MYT1: variants seen among roughly 807,000 people sequenced by gnomAD.
The protein encoded by MYT1 is myelin transcription factor 1.
Under a neutral mutation model 123.0 loss-of-function variants are expected in MYT1, and 23 were observed. The observed-to-expected ratio is 0.19, with a 90% confidence interval of 0.13 to 0.26. The LOEUF is 0.26. MYT1 is among the 10% of genes least tolerant of loss of function. The pLI is 1.00. For synonymous variants in MYT1, 518 were observed against 575.3 expected (o/e 0.90, Z 1.43); for missense variants, 1,125 against 1,472.5 (o/e 0.76, Z 3.86).
intron 16 of MYT1, among the ~76,000 whole-genome samples, chr20:64,223,883 T>G (rs1364336841): frequency 6.6e-6 from 1 of 152,154 alleles, no homozygotes. Context: ...CCTCCCCCCA[T>G]GCTCATGCCT....
chr20:64,221,734 G>T lies in MYT1; in HGVS notation c.2242-159G>T, dbSNP rs547832240. 3.3e-5 allele frequency among the ~76,000 whole-genome samples: 5 copies of T among 152,228 alleles called. No homozygotes were observed. The East Asian group carries it at 9.7e-4, about 29-fold the overall frequency. ...GGGTGTTGTCTTCTGTGTTTTGCTGGGGGGAGTTAAGTCTTCCTCCCTTAT... is the reference window on the plus strand; with the variant it reads ...GGGTGTTGTCTTCTGTGTTTTGCTGTGGGGAGTTAAGTCTTCCTCCCTTAT... On this transcript the variant is annotated intron_variant, in intron 13 of 22. Transcript: ENST00000328439.
In MYT1 at chr20:64,180,276, C is replaced by T. The variant is rs115929347; in HGVS notation, c.-98-9787C>T. On this transcript the variant is annotated intron_variant, in intron 1 of 22. Coordinates refer to ENST00000328439, the MANE Select transcript of MYT1 (RefSeq NM_004535.3). The stretch of plus-strand genomic sequence containing the variant: ...CCTAGGTCTGTATTTACTTCTCCAT[C>T]TATCGATGTTTATTGAAAAACACAA... Among the ~76,000 whole-genome samples the T allele has an allele frequency of 1.2e-3, 178 of 152,332 alleles. 1 individual carries two copies. Among genetic ancestry groups the T allele is most frequent in the African/African-American group, 2.6e-3 (107 of 41,570 alleles).
In MYT1 at chr20:64,213,573, C is replaced by T; in HGVS notation, c.1557C>T (p.Ala519=). The change falls in exon 10 of 23, where the codon GCC becomes GCT. Residue 519 remains alanine (A), a synonymous_variant. Transcript: ENST00000328439. The surrounding 1 kb of genome is among the most constrained non-coding windows in gnomAD (Gnocchi z 5.6). ...CCATTGCTGCCGCCGAAAAATTAGC[C>T]AAATCCCATGAGAAGCAGCAGCCGC... The part of the protein sequence containing the change: ...GCPIAAAEKL[A]KSHEKQQPQT... 1 of 1,614,090 alleles carries T rather than the reference C, an allele frequency of 6.2e-7. No homozygotes were observed. The highest frequency in any genetic ancestry group is 8.5e-7 in the Non-Finnish European group (1 of 1,180,008).
rs183051463 is a variant in MYT1, at chr20:64,228,118, T to A, written c.2675+147T>A. The A allele has an allele frequency of 8.4e-4, 615 of 730,418 alleles. 4 individuals are homozygous for A. The highest frequency in any genetic ancestry group is 2.4e-3 in the South Asian group (131 of 54,748). 45.2% of individuals were successfully genotyped at this position (730,418 alleles called of 1,614,324 possible). A position where few individuals can be genotyped will look rare whatever the true frequency, so the allele number is the denominator to read the frequency against. On this transcript the variant is annotated intron_variant, in intron 18 of 22. Coordinates refer to ENST00000328439, the MANE Select transcript of MYT1 (RefSeq NM_004535.3). Reference sequence around the variant, plus strand: ...CCAACGCCAACTTTCGTTTCTTTCATTTTTATGGAAGCTCTCATACGCTAC... The same window carrying A: ...CCAACGCCAACTTTCGTTTCTTTCAATTTTATGGAAGCTCTCATACGCTAC...
At chr20:64,233,090 T>G in intron 19 of MYT1, among the ~76,000 whole-genome samples, 1 of 139,470 alleles carries the variant, frequency 7.2e-6, no homozygotes, top group Non-Finnish European at 1.6e-5. Flanking sequence ...CCCTCCCCTG[T>G]CCCTCCCCTC....
At chr20:64,235,501 C>CTGTGG (rs1984489909) in intron 19 of MYT1, among the ~76,000 whole-genome samples, 1 of 125,502 alleles carries the variant, frequency 8.0e-6, no homozygotes, top group East Asian at 2.7e-4. Context: ...CCTGGGCTGG[C>CTGTGG]TGAGTGACCC....
intron 13 of MYT1, 141 bp from the exon 14 acceptor site, chr20:64,221,751 CT>C (rs1984009520): frequency 1.2e-6 from 1 of 826,364 alleles, no homozygotes; most frequent in Admixed American, 2.9e-5. Flanking sequence ...TTAAGTCTTC[CT>C]CCCTTATCCA....
chr20:64,236,634 A>G lies in MYT1; in HGVS notation c.2977A>G (p.Lys993Glu), dbSNP rs757716637. 6.2e-7 allele frequency: 1 copy of G among 1,613,504 alleles called. No individual in the cohort carries two copies. The highest frequency in any genetic ancestry group is 8.5e-7 in the Non-Finnish European group (1 of 1,179,740). Residue 993 changes from lysine (K) to glutamate (E), a missense_variant, in exon 20 of 23, where the codon AAG becomes GAG. Around this residue, in one of 4 missense-constraint regions of MYT1, gnomAD observed 243 missense variants for 323.1 expected, o/e 0.75. Coordinates refer to ENST00000328439, the MANE Select transcript of MYT1 (RefSeq NM_004535.3). Reference sequence around the variant, plus strand: ...GGATGAGGTCCTCAGTCCAAAGTTCAAGACTAGCGACGGTAAGGATGGCTT... The same window carrying G: ...GGATGAGGTCCTCAGTCCAAAGTTCGAGACTAGCGACGGTAAGGATGGCTT... ...SGDEVLSPKF[K>E]TSDVLENDEE...
chr20:64,215,748 A>AT (rs77922543), intron 10 of MYT1, among the ~76,000 whole-genome samples: 14,630 of 142,300 alleles, frequency 0.1, 911 homozygotes, highest in Non-Finnish European at 0.14. Flanking sequence ...ATACCTGCCT[A>AT]TTTTTTTTGC....
chr20:64,193,790 C>T lies in MYT1; in HGVS notation c.-1+3630C>T, dbSNP rs777916765. On this transcript the variant is annotated intron_variant, in intron 2 of 22. Transcript: ENST00000328439. This position sits in a 1 kb window ranked among gnomAD's most constrained non-coding sequence, Gnocchi z 4.0. ...AAAACCATTATGCAAGAGGCTCAACCGTCCCACCGAGACACTATAACCTAT... is the reference window on the plus strand; with the variant it reads ...AAAACCATTATGCAAGAGGCTCAACTGTCCCACCGAGACACTATAACCTAT... Among the ~76,000 whole-genome samples, 7 of 139,834 alleles carry T rather than the reference C, an allele frequency of 5.0e-5. No homozygotes were observed. In the East Asian group the frequency reaches 6.4e-4, roughly 13 times the overall value. 91.7% of individuals were successfully genotyped at this position (139,834 alleles called of 152,430 possible).
intron 13 of MYT1, among the ~76,000 whole-genome samples, chr20:64,221,651 C>T (rs1984005894): frequency 6.6e-6 from 1 of 152,206 alleles, no homozygotes; most frequent in African/African-American, 2.4e-5. Flanking sequence ...CACCAGGCCT[C>T]ATTTCTAGGG....
intron 1 of MYT1, among the ~76,000 whole-genome samples, chr20:64,181,377 G>A (rs1004597952): frequency 5.3e-5 from 8 of 152,006 alleles, no homozygotes; most frequent in Non-Finnish European, 1.2e-4. Flanking sequence ...CTCACTCAGC[G>A]TTTCCTCCGT....
chr20:64,236,267 T>TGGGTGACCCTGGGATGGCGGC (rs1984537436), intron 19 of MYT1, among the ~76,000 whole-genome samples: 1 of 127,484 alleles, frequency 7.8e-6, no homozygotes. Flanking sequence ...GGGATGGCGG[T>TGGGTGACCCTGGGATGGCGGC]GGTGGGTGAC....
At chr20:64,188,271 C>T (rs1487551575) in intron 1 of MYT1, among the ~76,000 whole-genome samples, 1 of 152,208 alleles carries the variant, frequency 6.6e-6, no homozygotes, top group Non-Finnish European at 1.5e-5. Context: ...TCAGGGGAGT[C>T]GCACTCGGGA....
chr20:64,219,051 A>T lies in MYT1; in HGVS notation c.1971+16A>T. ...CCCCAGCAAGGTTAGTACATCTGCC[A>T]CAGAGCCTTTCTTGGGAGAGGTGAG... is the stretch of plus-strand genomic sequence containing the variant. On this transcript the variant is annotated intron_variant, in intron 12 of 22. Transcript: ENST00000328439. 1 of 1,602,790 alleles carries T rather than the reference A, an allele frequency of 6.2e-7. No homozygotes were observed.
chr20:64,173,577 C>G (rs1362676166), intron 1 of MYT1, among the ~76,000 whole-genome samples: 1 of 147,718 alleles, frequency 6.8e-6, no homozygotes, highest in African/African-American at 2.5e-5. Context: ...CCTGACTTCT[C>G]CTCCTGCAGC....
Position 64,171,214 on chromosome 20 carries a change from C to T in MYT1, c.-99+6475C>T, listed in dbSNP as rs574253526. The stretch of plus-strand genomic sequence containing the variant: ...TATTACAGGTGTGAGCCACTGTGCC[C>T]GGCCAAATTTACCCAATTTTTAAGA... On this transcript the variant is annotated intron_variant, in intron 1 of 22. Transcript: ENST00000328439. 1.6e-4 allele frequency among the ~76,000 whole-genome samples: 25 copies of T among 152,176 alleles called. No individual in the cohort carries two copies. In the South Asian group the frequency reaches 2.9e-3, roughly 18 times the overall value.
chr20:64,224,290 C>G (rs1259843057), intron 16 of MYT1, among the ~76,000 whole-genome samples: 1 of 152,218 alleles, frequency 6.6e-6, no homozygotes, highest in African/African-American at 2.4e-5. Context: ...CACACCCTGG[C>G]TTATTCCATT....
rs893089402 is a variant in MYT1, at chr20:64,208,986, T to A, written c.1291+499T>A. ...AGCAGCCTGCCGCTGGCTCTGCATC[T>A]GTCTCTGGATTTGGCTCTAAAGTGT... On this transcript the variant is annotated intron_variant, in intron 7 of 22. Transcript: ENST00000328439. This position sits in a 1 kb window ranked among gnomAD's most constrained non-coding sequence, Gnocchi z 5.4. Among the ~76,000 whole-genome samples, 4 of 152,248 alleles carry A rather than the reference T, an allele frequency of 2.6e-5. No homozygotes were observed. The highest frequency in any genetic ancestry group is 2.6e-4 in the Admixed American group (4 of 15,288).
Sources: allele counts gnomAD v4.1 joint callset (sites outside exome capture counted in the v4.1 genomes callset), GRCh38; gene constraint gnomAD v4.1.1; regional missense constraint gnomAD v4.1.1; non-coding constraint Gnocchi (gnomAD v3.1); transcripts MANE v1.5; gene names NCBI Gene and HGNC (gene_info 2026-07-23, HGNC 2026-07-21).